CTNND2: variants seen among roughly 807,000 people sequenced by gnomAD.
The protein encoded by CTNND2 is catenin delta 2, also known as catenin delta-2.
A neutral mutation model predicts 144.4 loss-of-function variants in CTNND2; 22 were observed. That is an observed-to-expected ratio of 0.15 (90% CI 0.11 to 0.22). The LOEUF is 0.22. CTNND2 is among the 10% of genes least tolerant of loss of function. The pLI is 1.00. For missense variants in CTNND2, 1,353 were observed against 1,618.8 expected, an observed-to-expected ratio of 0.84 and a Z score of 2.82; for synonymous variants, 751 against 695.6, an observed-to-expected ratio of 1.08 and a Z score of -1.25.
chr5:11,003,263 T>C (rs1407525408), intron 18 of CTNND2, among the ~76,000 whole-genome samples: 1 of 152,154 alleles, frequency 6.6e-6, no homozygotes, highest in African/African-American at 2.4e-5. Flanking sequence ...AGCTCACCCA[T>C]GCACCAGCCT....
At chr5:11,786,815 T>G (rs929549613) in intron 1 of CTNND2, among the ~76,000 whole-genome samples, 1 of 152,216 alleles carries the variant, frequency 6.6e-6, no homozygotes, top group African/African-American at 2.4e-5. Context: ...GAGCTTGTAG[T>G]TCCCAGAGAA....
chr5:11,852,511 G>A (rs1271121907), intron 1 of CTNND2, among the ~76,000 whole-genome samples: 1 of 152,082 alleles, frequency 6.6e-6, no homozygotes, highest in Non-Finnish European at 1.5e-5. Context: ...TATGTGCACA[G>A]CATGATGTGA....
chr5:11,510,906 G>T (rs539725017), intron 3 of CTNND2, among the ~76,000 whole-genome samples: 2 of 150,376 alleles, frequency 1.3e-5, no homozygotes, highest in East Asian at 3.9e-4. Context: ...ACCCTAGCCT[G>T]GGCAACAGAA....
chr5:11,669,762 T>C (rs1034139148), intron 2 of CTNND2, among the ~76,000 whole-genome samples: 3 of 152,158 alleles, frequency 2.0e-5, no homozygotes, highest in Non-Finnish European at 1.5e-5. Context: ...AGGTCTTCTC[T>C]GATTTTAGTT....
chr5:11,112,109 A>G (rs1753051049), intron 13 of CTNND2, among the ~76,000 whole-genome samples: 1 of 152,140 alleles, frequency 6.6e-6, no homozygotes, highest in South Asian at 2.1e-4. Context: ...TAGGCCTCCC[A>G]AAGTGCTGGG....
chr5:11,315,989 C>T (rs530415302), intron 9 of CTNND2, among the ~76,000 whole-genome samples: 1 of 152,206 alleles, frequency 6.6e-6, no homozygotes, highest in Non-Finnish European at 1.5e-5. Context: ...CCTGTTGAGA[C>T]CAAGAGGAAA....
chr5:11,188,366 C>T (rs1321328144), intron 11 of CTNND2, among the ~76,000 whole-genome samples: 1 of 152,154 alleles, frequency 6.6e-6, no homozygotes, highest in Admixed American at 6.5e-5. Flanking sequence ...GAAAACCAAA[C>T]ACTGCATGTT....
chr5:11,464,521 A>G (rs61758936), intron 3 of CTNND2, among the ~76,000 whole-genome samples: 4,016 of 152,254 alleles, frequency 0.026, 174 homozygotes, highest in African/African-American at 0.093. Context: ...GGGCACAGTC[A>G]TTGTTAGAGC....
chr5:11,508,499 A>G (rs1239676513), intron 3 of CTNND2: 2 of 151,544 alleles, frequency 1.3e-5, no homozygotes, highest in Non-Finnish European at 1.5e-5. Context: ...CCAAACCCAT[A>G]TATCAACACA....
rs374114369 is a variant in CTNND2, at chr5:11,045,602, C to T, written c.2789-22623G>A. On this transcript the variant is annotated intron_variant, in intron 16 of 21. Coordinates refer to ENST00000304623, the MANE Select transcript of CTNND2 (RefSeq NM_001332.4). ...TGCATCGCTCCCATCTCTGCCTCCA[C>T]CCTCACATGGCCTTCTCCTCTGCGT... 3.3e-4 allele frequency among the ~76,000 whole-genome samples: 50 copies of T among 152,254 alleles called. 1 individual carries two copies. The highest frequency in any genetic ancestry group is 1.1e-3 in the African/African-American group (44 of 41,540).
At chr5:11,507,594 C>T (rs1771188159) in intron 3 of CTNND2, among the ~76,000 whole-genome samples, 1 of 152,192 alleles carries the variant, frequency 6.6e-6, no homozygotes, top group East Asian at 1.9e-4. Context: ...GGATCAAGAG[C>T]AACAAGCAGA....
rs543088490 is a variant in CTNND2, at chr5:11,658,886, G to A, written c.174+73250C>T. ...ATAACACAAATCACGTTTTTATTTA[G>A]TTTACAAAGGACTACTGAAAAGAAT... On this transcript the variant is annotated intron_variant, in intron 2 of 21. Coordinates refer to ENST00000304623, the MANE Select transcript of CTNND2 (RefSeq NM_001332.4). Among the ~76,000 whole-genome samples the A allele has an allele frequency of 5.9e-5, 9 of 152,100 alleles. No homozygotes were observed. The South Asian group carries it at 8.3e-4, about 14-fold the overall frequency.
chr5:11,202,444 T>C lies in CTNND2; in HGVS notation c.1762-2783A>G, dbSNP rs1737551994. Among the ~76,000 whole-genome samples, 5 of 152,314 alleles carry C rather than the reference T, an allele frequency of 3.3e-5. No homozygotes were observed. In the South Asian group the frequency reaches 1.0e-3, roughly 32 times the overall value. The stretch of plus-strand genomic sequence containing the variant: ...TTTAGATAAACATAAGTAAGTCAAT[T>C]AACCTTTTTCTTTTGCTCTTATTTG... On this transcript the variant is annotated intron_variant, in intron 10 of 21. Coordinates refer to ENST00000304623, the MANE Select transcript of CTNND2 (RefSeq NM_001332.4).
At chr5:11,352,164 T>C (rs1034471439) in intron 8 of CTNND2, among the ~76,000 whole-genome samples, 9 of 152,184 alleles carry the variant, frequency 5.9e-5, no homozygotes, top group Non-Finnish European at 1.2e-4. Context: ...TAATGCATGA[T>C]TCTTAGTAGT....
intron 2 of CTNND2, among the ~76,000 whole-genome samples, chr5:11,580,488 A>G (rs1250313238): frequency 5.3e-5 from 8 of 152,216 alleles, no homozygotes; most frequent in African/African-American, 1.9e-4. Flanking sequence ...TGGGTACTGC[A>G]TATATTGTTA....
At chr5:11,324,419 T>C (rs258833) in intron 9 of CTNND2, among the ~76,000 whole-genome samples, 114,916 of 152,104 alleles carry the variant, frequency 0.76, 43,597 homozygotes, top group South Asian at 0.85. Context: ...CAGAGAAAAC[T>C]TTAAAGGGTG....
At chr5:11,345,410 A>G (rs1016016578) in intron 9 of CTNND2, among the ~76,000 whole-genome samples, 8 of 152,226 alleles carry the variant, frequency 5.3e-5, no homozygotes, top group Admixed American at 2.0e-4. Context: ...TAAAGTAGCT[A>G]TCTCAACGTA....
chr5:11,095,762 C>CTTTTTTATCTGTCCGCTTTTAGGATT (rs1751277799), intron 15 of CTNND2, among the ~76,000 whole-genome samples: 4 of 152,090 alleles, frequency 2.6e-5, no homozygotes, highest in Non-Finnish European at 5.9e-5. Context: ...TTTAACATGT[C>CTTTTTTATCTGTCCGCTTTTAGGATT]TTTTTTATCT....
intron 1 of CTNND2, among the ~76,000 whole-genome samples, chr5:11,736,938 T>C (rs936375065): frequency 2.0e-5 from 3 of 152,194 alleles, no homozygotes; most frequent in African/African-American, 7.2e-5. Flanking sequence ...TCATGAACAA[T>C]TTCTTATATC....
Sources: gnomAD v4.1 joint callset for allele counts (sites outside exome capture counted in the v4.1 genomes callset) on GRCh38, gnomAD v4.1.1 for gene constraint, MANE v1.5 for transcripts, NCBI Gene and HGNC (gene_info 2026-07-23, HGNC 2026-07-21) for gene names.